SOHLH2: variants seen among roughly 807,000 people sequenced by gnomAD.
The protein encoded by SOHLH2 is spermatogenesis- and oogenesis-specific basic helix-loop-helix-containing protein 2.
Under a neutral mutation model 50.4 loss-of-function variants are expected in SOHLH2, and 22 were observed. The ratio of observed to expected loss-of-function variants is 0.44; its 90% confidence interval spans 0.31 to 0.62. The LOEUF (loss-of-function observed/expected upper bound fraction) is 0.62, where lower values mean the gene tolerates loss of function less well. Among genes scored for constraint, SOHLH2 ranks in the 20% least tolerant of loss-of-function variants. The pLI, the probability that SOHLH2 is intolerant of heterozygous loss-of-function variation, is 0.08. For missense variants in SOHLH2, 412 were observed against 504.4 expected, an observed-to-expected ratio of 0.82 and a Z score of 1.76; for synonymous variants, 185 against 187.3, an observed-to-expected ratio of 0.99 and a Z score of 0.10.
chr13:36,193,874 G>T lies in SOHLH2; in HGVS notation c.264-7C>A, dbSNP rs1423089298. ...ATTTTTCTTTTTGCCAAATCTGAGAGAGGAAAGAAAATGTTAAAATGAAGC... is the reference window on the plus strand; with the variant it reads ...ATTTTTCTTTTTGCCAAATCTGAGATAGGAAAGAAAATGTTAAAATGAAGC... On this transcript the variant is annotated splice_region_variant and splice_polypyrimidine_tract_variant and intron_variant, in intron 2 of 10. Transcript: ENST00000379881. 1 of 1,591,608 alleles carries T rather than the reference G, an allele frequency of 6.3e-7. No individual in the cohort carries two copies. Among genetic ancestry groups the T allele is most frequent in the East Asian group, 2.3e-5 (1 of 44,250 alleles).
intron 1 of SOHLH2, among the ~76,000 whole-genome samples, chr13:36,212,194 C>T (rs774777308): frequency 1.3e-5 from 2 of 152,148 alleles, no homozygotes; most frequent in Non-Finnish European, 2.9e-5. Flanking sequence ...ACTAACCCAC[C>T]GTTCTGTGCA....
At chr13:36,194,407 A>T (rs1411141030) in intron 2 of SOHLH2, among the ~76,000 whole-genome samples, 1 of 152,210 alleles carries the variant, frequency 6.6e-6, no homozygotes, top group East Asian at 1.9e-4. Flanking sequence ...TTATTCTCTG[A>T]GTCCTCACCT....
intron 1 of SOHLH2, among the ~76,000 whole-genome samples, chr13:36,205,761 AT>A (rs1868721772): frequency 6.6e-6 from 1 of 152,050 alleles, no homozygotes; most frequent in South Asian, 2.1e-4. Context: ...ATGGTCTTGA[AT>A]AGTTTATAAA....
rs375286456 is a variant in SOHLH2 at position 36,170,720 on chromosome 13, C to T, written c.1068G>A (p.Ala356=). 3.4e-5 allele frequency: 55 copies of T among 1,614,034 alleles called. No individual in the cohort carries two copies. Among genetic ancestry groups the T allele is most frequent in the Non-Finnish European group, 4.1e-5 (48 of 1,180,018 alleles). Residue 356 remains alanine (A), a synonymous_variant, in exon 10 of 11, where the codon GCG becomes GCA. Coordinates refer to ENST00000379881, the MANE Select transcript of SOHLH2 (RefSeq NM_017826.3). The part of the protein sequence containing the change: ...DPYKTHISSA[A]LSLNSLHTVR... The stretch of plus-strand genomic sequence containing the variant: ...CAGTATGCAAGGAATTCAGAGACAG[C>T]GCTGCACTGGAAATGTGAGTTTTAT...
chr13:36,209,271 C>G (rs926327348), intron 1 of SOHLH2, among the ~76,000 whole-genome samples: 20 of 151,564 alleles, frequency 1.3e-4, no homozygotes, highest in African/African-American at 3.4e-4. Flanking sequence ...TTTTTCATAA[C>G]CTGCTATTTT....
chr13:36,200,417 ATCTG>A (rs1017920096), intron 2 of SOHLH2, among the ~76,000 whole-genome samples: 8 of 152,258 alleles, frequency 5.3e-5, no homozygotes, highest in African/African-American at 1.9e-4. Context: ...CAAGAGTAGT[ATCTG>A]TCTGTCTGTC....
intron 2 of SOHLH2, among the ~76,000 whole-genome samples, chr13:36,198,169 A>G (rs1887789654): frequency 6.6e-6 from 1 of 152,214 alleles, no homozygotes; most frequent in African/African-American, 2.4e-5. Flanking sequence ...GACGGAGCAG[A>G]TGGAGCCACA....
chr13:36,207,934 T>C (rs1200871502), intron 1 of SOHLH2, among the ~76,000 whole-genome samples: 1 of 152,166 alleles, frequency 6.6e-6, no homozygotes, highest in East Asian at 1.9e-4. Flanking sequence ...CCTTGGTCGC[T>C]TGGTTAAGAT....
chr13:36,196,784 C>A (rs976441016), intron 2 of SOHLH2, among the ~76,000 whole-genome samples: 2 of 152,110 alleles, frequency 1.3e-5, no homozygotes, highest in Non-Finnish European at 2.9e-5. Context: ...TTTCAAATTT[C>A]AAGCTTTACA....
chr13:36,181,957 C>T (rs1023037976), intron 6 of SOHLH2: 3 of 811,024 alleles, frequency 3.7e-6, no homozygotes, highest in African/African-American at 3.7e-5. Context: ...ATATGATTTG[C>T]ACAAACAAGT....
intron 2 of SOHLH2, among the ~76,000 whole-genome samples, chr13:36,195,925 G>A (rs548625042): frequency 2.1e-4 from 32 of 152,088 alleles, no homozygotes; most frequent in South Asian, 2.1e-3. Flanking sequence ...TATGCAGGAG[G>A]GAGGATAGAG....
Position 36,170,258 on chromosome 13 carries a change from A to G in SOHLH2, c.1257+273T>C, listed in dbSNP as rs531286495. On this transcript the variant is annotated intron_variant, in intron 10 of 10. Transcript: ENST00000379881. The stretch of plus-strand genomic sequence containing the variant: ...AGCAGAGGGGTGGGCAATCAGTGCT[A>G]GGGGAGATCAGATTCCACCTGGTCA... 3.3e-5 allele frequency among the ~76,000 whole-genome samples: 5 copies of G among 152,252 alleles called. No homozygotes were observed. The South Asian group carries it at 1.0e-3, about 32-fold the overall frequency.
intron 2 of SOHLH2, among the ~76,000 whole-genome samples, chr13:36,194,742 T>C (rs1167505530): frequency 6.6e-6 from 1 of 152,220 alleles, no homozygotes; most frequent in African/African-American, 2.4e-5. Context: ...AATGTGACTG[T>C]GAAAGAGATT....
intron 5 of SOHLH2, among the ~76,000 whole-genome samples, chr13:36,191,309 G>A (rs1054732953): frequency 5.3e-5 from 8 of 152,256 alleles, no homozygotes; most frequent in African/African-American, 9.6e-5. Flanking sequence ...CATGAGGTAC[G>A]TAAAAGATAC....
intron 4 of SOHLH2, among the ~76,000 whole-genome samples, chr13:36,192,752 A>G (rs2138300444): frequency 1.3e-5 from 2 of 152,334 alleles, no homozygotes; most frequent in Middle Eastern, 3.4e-3. Context: ...TGACATATCT[A>G]TCACGTCACA....
chr13:36,174,959 T>C, intron 6 of SOHLH2, 90 bp from the exon 7 acceptor site: 2 of 1,492,776 alleles, frequency 1.3e-6, no homozygotes, highest in South Asian at 1.4e-5. Flanking sequence ...CTGGGTATGT[T>C]TGTAAAGGAA....
At chr13:36,173,078 C>T (rs1311074662) in intron 9 of SOHLH2, among the ~76,000 whole-genome samples, 4 of 152,150 alleles carry the variant, frequency 2.6e-5, no homozygotes, top group Non-Finnish European at 4.4e-5. Context: ...AGCATTTGTT[C>T]CACAATGAAT....
intron 2 of SOHLH2, among the ~76,000 whole-genome samples, chr13:36,194,692 G>A (rs971136925): frequency 2.0e-5 from 3 of 152,198 alleles, no homozygotes; most frequent in African/African-American, 7.2e-5. Flanking sequence ...GATGGATACT[G>A]AGCCTTGGCA....
Position 36,173,955 on chromosome 13 carries a change from C to T in SOHLH2, c.882-145G>A, listed in dbSNP as rs1296363792. 7 of 902,720 alleles carry T rather than the reference C, an allele frequency of 7.8e-6. No individual in the cohort carries two copies. In the African/African-American group the frequency reaches 1.2e-4, roughly 15 times the overall value. 55.9% of individuals were successfully genotyped at this position (902,720 alleles called of 1,614,324 possible). A position where few individuals can be genotyped will look rare whatever the true frequency, so the allele number is the denominator to read the frequency against. ...GATTATTTACATATGAGCAAAGACA[C>T]ATGACCCACGATAATTCCTTAGGAT... On this transcript the variant is annotated intron_variant, in intron 8 of 10. Transcript: ENST00000379881.
Sources: allele counts gnomAD v4.1 joint callset (sites outside exome capture counted in the v4.1 genomes callset), GRCh38; gene constraint gnomAD v4.1.1; transcripts MANE v1.5; gene names NCBI Gene and HGNC (gene_info 2026-07-23, HGNC 2026-07-21).